ANKRD30BL: variants seen among roughly 807,000 people sequenced by gnomAD.
ANKRD30BL encodes the protein putative ankyrin repeat domain-containing protein 30B-like.
Under a neutral mutation model 18.4 loss-of-function variants are expected in ANKRD30BL, and 20 were observed. The ratio of observed to expected loss-of-function variants is 1.09; its 90% CI spans 0.77 to 1.58. The LOEUF is 1.58. ANKRD30BL is among the 40% of genes most tolerant of loss of function. The probability of loss-of-function intolerance (pLI) is 0.00; values close to 1 mark genes in which losing one functional copy is unlikely to be tolerated. For synonymous variants in ANKRD30BL, 72 were observed against 100.9 expected (o/e 0.71, Z 1.72); for missense variants, 224 against 268.6 (o/e 0.83, Z 1.16).
At chr2:132,255,109 A>T (rs1680792032) in intron 1 of ANKRD30BL, among the ~76,000 whole-genome samples, 1 of 152,242 alleles carries the variant, frequency 6.6e-6, no homozygotes, top group African/African-American at 2.4e-5. Context: ...ACACCGCCAC[A>T]TCGCCAGTTG....
chr2:132,253,905 A>C (rs935672746), intron 1 of ANKRD30BL, among the ~76,000 whole-genome samples: 2 of 151,990 alleles, frequency 1.3e-5, no homozygotes, highest in African/African-American at 4.8e-5. Context: ...ATGGTTTGGC[A>C]GAGGTGACGA....
intron 1 of ANKRD30BL, among the ~76,000 whole-genome samples, chr2:132,221,452 G>A (rs550370078): frequency 4.4e-4 from 58 of 131,012 alleles, no homozygotes; most frequent in African/African-American, 1.3e-3. Flanking sequence ...CAGCCACCCC[G>A]TCCGGGAGGT....
At chr2:132,214,629 C>G (rs1431642016) in intron 1 of ANKRD30BL, among the ~76,000 whole-genome samples, 1 of 151,442 alleles carries the variant, frequency 6.6e-6, no homozygotes, top group African/African-American at 2.4e-5. Context: ...TGCAAGTGGA[C>G]ATTTGGAGTG....
At chr2:132,160,994 A>G (rs1426978051) in intron 1 of ANKRD30BL, among the ~76,000 whole-genome samples, 1 of 147,650 alleles carries the variant, frequency 6.8e-6, no homozygotes, top group East Asian at 2.0e-4. Flanking sequence ...TCAGCAAAGA[A>G]TATATTTACA....
chr2:132,236,894 G>A (rs573139054), intron 1 of ANKRD30BL, among the ~76,000 whole-genome samples: 9 of 151,826 alleles, frequency 5.9e-5, no homozygotes, highest in Non-Finnish European at 1.3e-4. Context: ...AACAATGATA[G>A]ACTGGATTAA....
At position 132,207,999 on chromosome 2, in the gene ANKRD30BL, G is replaced by A. The variant is rs565308928; in HGVS notation, n.441+49530C>T. Among the ~76,000 whole-genome samples, 10 of 152,132 alleles carry A rather than the reference G, an allele frequency of 6.6e-5. No homozygotes were observed. In the East Asian group the frequency reaches 1.4e-3, roughly 21 times the overall value. On this transcript the variant is annotated intron_variant and non_coding_transcript_variant, in intron 1 of 4. Coordinates refer to the ANKRD30BL transcript ENST00000470729. ...TGTTTCTCAAAAAAGGAGGGGGCGG[G>A]TAATTTTTGTACAAAAGGCTTTTAC...
intron 1 of ANKRD30BL, among the ~76,000 whole-genome samples, chr2:132,178,182 T>C (rs544187958): frequency 1.1e-4 from 17 of 152,302 alleles, no homozygotes; most frequent in African/African-American, 3.6e-4. Flanking sequence ...CAGTAGGGAA[T>C]ACAAAAATGA....
chr2:132,165,432 A>C, upstream of ANKRD30BL, among the ~76,000 whole-genome samples: 1 of 151,542 alleles, frequency 6.6e-6, no homozygotes, highest in East Asian at 1.9e-4. Flanking sequence ...GGTGGCTCAC[A>C]CCTGTAATCC....
intron 3 of ANKRD30BL, chr2:132,155,258 A>G (rs1687870747): frequency 6.6e-6 from 1 of 152,254 alleles, no homozygotes; most frequent in African/African-American, 2.4e-5. Flanking sequence ...TTAAATATTC[A>G]TTATTCAAGA....
rs1251744032 is a variant in ANKRD30BL, at chr2:132,248,149, A to T, written n.441+9380T>A. On this transcript the variant is annotated intron_variant and non_coding_transcript_variant, in intron 1 of 4. Coordinates refer to the ANKRD30BL transcript ENST00000470729. ...AAACAGCTCAGAAATATCCCGTTGC[A>T]GATTGTACAAAAAGACAGTTTCCAA... is the stretch of plus-strand genomic sequence containing the variant. Among the ~76,000 whole-genome samples, 13 of 152,274 alleles carry T rather than the reference A, an allele frequency of 8.5e-5. No individual in the cohort carries two copies. In the South Asian group the frequency reaches 2.5e-3, roughly 29 times the overall value.
In ANKRD30BL at chr2:132,204,333, C is replaced by T. The variant is rs959775017; in HGVS notation, n.442-47187G>A. Among the ~76,000 whole-genome samples, 7 of 151,864 alleles carry T rather than the reference C, an allele frequency of 4.6e-5. No individual in the cohort carries two copies. The South Asian group carries it at 6.2e-4, about 13-fold the overall frequency. Reference sequence around the variant, plus strand: ...AATATCAGTGATTTTGTATTTTACCCTTCAATGATGGGACATAAGTAAACA... The same window carrying T: ...AATATCAGTGATTTTGTATTTTACCTTTCAATGATGGGACATAAGTAAACA... On this transcript the variant is annotated intron_variant and non_coding_transcript_variant, in intron 1 of 4. Transcript: ENST00000470729.
chr2:132,195,236 A>G (rs1035823099), intron 1 of ANKRD30BL, among the ~76,000 whole-genome samples: 2 of 152,230 alleles, frequency 1.3e-5, no homozygotes, highest in African/African-American at 4.8e-5. Flanking sequence ...TATGGAATAT[A>G]CAGAAGTGTG....
chr2:132,233,801 C>T (rs1368803748), intron 1 of ANKRD30BL, among the ~76,000 whole-genome samples: 1 of 149,810 alleles, frequency 6.7e-6, no homozygotes, highest in Non-Finnish European at 1.5e-5. Flanking sequence ...AACAAGGATA[C>T]CCAGGAATTG....
intron 1 of ANKRD30BL, among the ~76,000 whole-genome samples, chr2:132,160,773 G>A (rs1246186676): frequency 6.6e-6 from 1 of 151,956 alleles, no homozygotes; most frequent in Non-Finnish European, 1.5e-5. Context: ...AAATCTAGAA[G>A]GGCAAGACTT....
intron 1 of ANKRD30BL, among the ~76,000 whole-genome samples, chr2:132,158,661 A>G (rs1286623153): frequency 7.3e-5 from 11 of 151,010 alleles, no homozygotes; most frequent in Non-Finnish European, 1.5e-5. Flanking sequence ...ATTGATTAAA[A>G]GGATAAATAC....
intron 1 of ANKRD30BL, among the ~76,000 whole-genome samples, chr2:132,228,358 A>T (rs1679903208): frequency 1.3e-5 from 2 of 151,772 alleles, no homozygotes; most frequent in South Asian, 2.1e-4. Flanking sequence ...CAGTTTGGAA[A>T]CACTCTTTTT....
chr2:132,208,418 T>C (rs1335079981), intron 1 of ANKRD30BL, among the ~76,000 whole-genome samples: 1 of 152,096 alleles, frequency 6.6e-6, no homozygotes, highest in Non-Finnish European at 1.5e-5. Flanking sequence ...CGATGTGTCT[T>C]TCCTGAAGTC....
intron 1 of ANKRD30BL, among the ~76,000 whole-genome samples, chr2:132,254,049 G>C (rs537759672): frequency 2.8e-5 from 4 of 141,390 alleles, no homozygotes; most frequent in African/African-American, 1.1e-4. Flanking sequence ...CCGTGACGCC[G>C]AGAACCACCC....
intron 1 of ANKRD30BL, among the ~76,000 whole-genome samples, chr2:132,192,483 A>C (rs1001987579): frequency 1.3e-5 from 2 of 152,236 alleles, no homozygotes; most frequent in African/African-American, 4.8e-5. Context: ...GTGCTTGATA[A>C]GTTACCATGC....
Sources: gnomAD v4.1 joint callset for allele counts (sites outside exome capture counted in the v4.1 genomes callset) on GRCh38, gnomAD v4.1.1 for gene constraint, MANE v1.5 for transcripts, NCBI Gene and HGNC (gene_info 2026-07-23, HGNC 2026-07-21) for gene names.